The following ELMO1 variants were observed in gnomAD, a reference collection of about 807,000 sequenced individuals.
ELMO1 encodes engulfment and cell motility protein 1.
ELMO1 carries 26 observed loss-of-function variants against 98.9 expected under a neutral mutation model. The observed-to-expected ratio is 0.26, with a 90% CI of 0.19 to 0.36. The LOEUF is 0.36. Ranked by LOEUF, ELMO1 falls within the 10% of genes least tolerant of loss-of-function variation. The pLI is 1.00. For synonymous variants in ELMO1, 346 were observed against 346.0 expected, an observed-to-expected ratio of 1.00 and a Z score of 0.00; for missense variants, 627 against 935.2, an observed-to-expected ratio of 0.67 and a Z score of 4.30.
chr7:37,335,111 T>C (rs1041718210), intron 2 of ELMO1, among the ~76,000 whole-genome samples: 1 of 151,600 alleles, frequency 6.6e-6, no homozygotes, highest in African/African-American at 2.4e-5. Flanking sequence ...AAAAGAAAAA[T>C]GTAAATTACG....
At chr7:37,011,152 T>TGCACCCAAAACCAAAA (rs1793521284) in intron 16 of ELMO1, among the ~76,000 whole-genome samples, 2 of 152,238 alleles carry the variant, frequency 1.3e-5, no homozygotes, top group Non-Finnish European at 2.9e-5. Flanking sequence ...AAAACCTGGC[T>TGCACCCAAAACCAAAA]CTTAGGTCTT....
Position 37,113,355 on chromosome 7 carries a change from T to A in ELMO1, c.1192-16628A>T, listed in dbSNP as rs188331621. Reference sequence around the variant, plus strand: ...TACTCTGTGGTTTTATGAGGTTTGCTGGCTAGTAAGGGTGAACAGGAAATA... The same window carrying A: ...TACTCTGTGGTTTTATGAGGTTTGCAGGCTAGTAAGGGTGAACAGGAAATA... On this transcript the variant is annotated intron_variant, in intron 14 of 21. Transcript: ENST00000310758. 7.2e-5 allele frequency among the ~76,000 whole-genome samples: 11 copies of A among 152,344 alleles called. No homozygotes were observed. The East Asian group carries it at 2.1e-3, about 29-fold the overall frequency.
intron 1 of ELMO1, among the ~76,000 whole-genome samples, chr7:37,435,935 C>A (rs1271520800): frequency 5.9e-5 from 9 of 152,216 alleles, no homozygotes; most frequent in African/African-American, 2.2e-4. Context: ...CTCAACTCAA[C>A]ACAATGATCC....
chr7:37,426,885 T>TA (rs1804730549), intron 1 of ELMO1, among the ~76,000 whole-genome samples: 1 of 152,104 alleles, frequency 6.6e-6, no homozygotes, highest in African/African-American at 2.4e-5. Context: ...TGAAAATGAA[T>TA]AAAAAACTAT....
At chr7:37,037,349 C>T (rs556354599) in intron 15 of ELMO1, among the ~76,000 whole-genome samples, 4 of 152,184 alleles carry the variant, frequency 2.6e-5, no homozygotes, top group East Asian at 1.9e-4. Flanking sequence ...GACACTGATG[C>T]TTGCATTTCC....
chr7:36,930,582 C>T (rs1334025022), intron 16 of ELMO1, among the ~76,000 whole-genome samples: 1 of 152,160 alleles, frequency 6.6e-6, no homozygotes, highest in Non-Finnish European at 1.5e-5. Flanking sequence ...GGCATTGCTC[C>T]TCAAAAGAGT....
At chr7:37,042,984 C>A (rs1257764698) in intron 15 of ELMO1, among the ~76,000 whole-genome samples, 1 of 152,184 alleles carries the variant, frequency 6.6e-6, no homozygotes, top group Non-Finnish European at 1.5e-5. Context: ...TTGAAGCAAG[C>A]CCCATTTGAG....
chr7:37,217,799 GAGA>G (rs997664067), intron 10 of ELMO1: 26 of 457,046 alleles, frequency 5.7e-5, no homozygotes, highest in Admixed American at 5.2e-4. Context: ...GCAAGCAGGA[GAGA>G]AGAAGGGATG....
intron 14 of ELMO1, among the ~76,000 whole-genome samples, chr7:37,098,579 G>T (rs182231380): frequency 6.6e-6 from 1 of 152,162 alleles, no homozygotes; most frequent in Non-Finnish European, 1.5e-5. Flanking sequence ...GAGGTGAGCT[G>T]GGCAGTGGGC....
At chr7:37,365,139 C>T (rs1037457840) in intron 1 of ELMO1, among the ~76,000 whole-genome samples, 1 of 152,228 alleles carries the variant, frequency 6.6e-6, no homozygotes, top group Non-Finnish European at 1.5e-5. Flanking sequence ...TAACTTCTAA[C>T]ACCAGGCCAC....
chr7:36,876,241 GGT>G (rs1390143444), intron 19 of ELMO1, among the ~76,000 whole-genome samples: 1 of 152,052 alleles, frequency 6.6e-6, no homozygotes, highest in Non-Finnish European at 1.5e-5. Flanking sequence ...CGAGAATGCT[GGT>G]GTGAGTTTTT....
intron 16 of ELMO1, among the ~76,000 whole-genome samples, chr7:36,971,577 A>AG (rs1789956316): frequency 1.3e-5 from 2 of 152,252 alleles, no homozygotes; most frequent in Non-Finnish European, 2.9e-5. Context: ...AAGATCATCC[A>AG]GATTCCACTG....
chr7:36,944,645 C>T (rs976930818), intron 16 of ELMO1, among the ~76,000 whole-genome samples: 3 of 152,150 alleles, frequency 2.0e-5, no homozygotes, highest in African/African-American at 4.8e-5. Context: ...CTCTGATGAC[C>T]GGAGCTCCTT....
At chr7:37,033,587 G>A (rs898031676) in intron 15 of ELMO1, among the ~76,000 whole-genome samples, 11 of 152,154 alleles carry the variant, frequency 7.2e-5, no homozygotes, top group Admixed American at 2.0e-4. Flanking sequence ...TTCCCAGGGA[G>A]TAGGGCTACA....
intron 6 of ELMO1, among the ~76,000 whole-genome samples, chr7:37,246,606 T>C (rs1795018393): frequency 6.6e-6 from 1 of 152,230 alleles, no homozygotes; most frequent in Non-Finnish European, 1.5e-5. Flanking sequence ...GTAATGTTTG[T>C]TGTGATGAGA....
intron 2 of ELMO1, among the ~76,000 whole-genome samples, chr7:37,320,398 G>A (rs182292160): frequency 6.6e-6 from 1 of 151,604 alleles, no homozygotes; most frequent in East Asian, 1.9e-4. Context: ...TTTATGGTGA[G>A]TCACCAAAAA....
chr7:37,401,104 G>A (rs773998067), intron 1 of ELMO1, among the ~76,000 whole-genome samples: 1 of 152,178 alleles, frequency 6.6e-6, no homozygotes, highest in Non-Finnish European at 1.5e-5. Context: ...TTAAGTAAGT[G>A]AAGGTAAGCT....
At chr7:37,298,033 A>G (rs1336137660) in intron 4 of ELMO1, among the ~76,000 whole-genome samples, 2 of 152,170 alleles carry the variant, frequency 1.3e-5, no homozygotes, top group East Asian at 1.9e-4. Context: ...ATATGTCTCA[A>G]TATGCCTAAT....
intron 13 of ELMO1, among the ~76,000 whole-genome samples, chr7:37,182,187 C>T (rs998136988): frequency 2.0e-5 from 3 of 152,182 alleles, no homozygotes; most frequent in Non-Finnish European, 4.4e-5. Flanking sequence ...CTGGTGACGA[C>T]ATGAGGTAAT....
Sources: gnomAD v4.1 joint callset for allele counts (sites outside exome capture counted in the v4.1 genomes callset) on GRCh38, gnomAD v4.1.1 for gene constraint, MANE v1.5 for transcripts, NCBI Gene and HGNC (gene_info 2026-07-23, HGNC 2026-07-21) for gene names.